The following GALNT13 variants were observed in gnomAD, a reference collection of about 807,000 sequenced individuals.
The protein encoded by GALNT13 is polypeptide N-acetylgalactosaminyltransferase 13.
A neutral mutation model predicts 64.2 loss-of-function variants in GALNT13; 28 were observed. The observed-to-expected ratio is 0.44, with a 90% CI of 0.32 to 0.60. The LOEUF (loss-of-function observed/expected upper bound fraction) is 0.60, where lower values mean the gene tolerates loss of function less well. Among genes scored for constraint, GALNT13 ranks in the 20% least tolerant of loss-of-function variants. GALNT13 has a pLI of 0.05. For synonymous variants in GALNT13, 214 were observed against 224.6 expected (o/e 0.95, Z 0.42); for missense variants, 577 against 669.8 (o/e 0.86, Z 1.53).
intron 2 of GALNT13, among the ~76,000 whole-genome samples, chr2:153,907,921 C>A (rs954465816): frequency 6.6e-6 from 1 of 152,000 alleles, no homozygotes; most frequent in African/African-American, 2.4e-5. Context: ...TATGTATATA[C>A]CCAGTAATGG....
At chr2:153,277,045 T>C in the GALNT13 span, among the ~76,000 whole-genome samples, 1 of 152,214 alleles carries the variant, frequency 6.6e-6, no homozygotes, top group African/African-American at 2.4e-5. Flanking sequence ...TAAGATAATT[T>C]TTAAAGTAAT....
the GALNT13 span, among the ~76,000 whole-genome samples, chr2:153,156,308 C>G: frequency 2.0e-5 from 3 of 152,158 alleles, no homozygotes; most frequent in Non-Finnish European, 4.4e-5. Flanking sequence ...CACCTCAAAT[C>G]AGAAACACAT....
At chr2:153,534,387 C>T in the GALNT13 span, among the ~76,000 whole-genome samples, 4 of 152,070 alleles carry the variant, frequency 2.6e-5, no homozygotes, top group African/African-American at 9.7e-5. Flanking sequence ...ACTAACTTCA[C>T]AAGTGTTTCT....
chr2:153,742,266 A>G, the GALNT13 span, among the ~76,000 whole-genome samples: 6 of 152,028 alleles, frequency 3.9e-5, no homozygotes, highest in Non-Finnish European at 7.4e-5. Context: ...CCTTCATATA[A>G]TGTCCTCCAG....
chr2:153,460,410 G>A, the GALNT13 span, among the ~76,000 whole-genome samples: 31 of 151,964 alleles, frequency 2.0e-4, no homozygotes, highest in East Asian at 5.2e-3. Context: ...TATATAATTC[G>A]TTCAGTTTAT....
chr2:153,581,512 T>C, the GALNT13 span, among the ~76,000 whole-genome samples: 2 of 152,126 alleles, frequency 1.3e-5, no homozygotes. Context: ...CATTGGTTTA[T>C]AGAATTTCCT....
chr2:154,267,151 GA>G lies in GALNT13; in HGVS notation c.975+8018del, dbSNP rs567864962. ...AACAACTGAATGTCTATGTGGGGGG[GA>G]AAAACAACTCCAATCCATAACTTAT... On this transcript the variant is annotated intron_variant, in intron 8 of 12. Transcript: ENST00000392825. Among the ~76,000 whole-genome samples the G allele has an allele frequency of 5.3e-3, 797 of 151,702 alleles. 4 individuals carry two copies. Among genetic ancestry groups the G allele is most frequent in the Admixed American group, 8.5e-3 (129 of 15,232 alleles).
chr2:154,140,626 C>A, intron 4 of GALNT13, 121 bp downstream of exon 4: 2 of 608,688 alleles, frequency 3.3e-6, no homozygotes, highest in Non-Finnish European at 5.5e-6. Flanking sequence ...GTACCTATCA[C>A]ATAGCAGGAA....
chr2:153,517,290 T>A, the GALNT13 span, among the ~76,000 whole-genome samples: 1 of 152,182 alleles, frequency 6.6e-6, no homozygotes, highest in African/African-American at 2.4e-5. Flanking sequence ...GGAATTCAGA[T>A]TCAATAGACC....
chr2:153,449,980 AC>A, the GALNT13 span, among the ~76,000 whole-genome samples: 1 of 152,214 alleles, frequency 6.6e-6, no homozygotes, highest in Admixed American at 6.5e-5. Context: ...ACCTATTCAA[AC>A]AATATAATCT....
At chr2:153,389,695 G>T in the GALNT13 span, among the ~76,000 whole-genome samples, 1 of 152,086 alleles carries the variant, frequency 6.6e-6, no homozygotes, top group African/African-American at 2.4e-5. Flanking sequence ...GAAGTTTTAT[G>T]AACTGGCTTG....
At chr2:154,290,515 C>G (rs1421835496) in intron 8 of GALNT13, among the ~76,000 whole-genome samples, 1 of 152,148 alleles carries the variant, frequency 6.6e-6, no homozygotes, top group Admixed American at 6.5e-5. Context: ...AAGCTGGAGG[C>G]GGCTTATTCT....
intron 3 of GALNT13, among the ~76,000 whole-genome samples, chr2:154,128,052 C>T (rs1005669455): frequency 6.6e-6 from 1 of 151,640 alleles, no homozygotes; most frequent in Non-Finnish European, 1.5e-5. Flanking sequence ...ATGATGTAAC[C>T]GAAATTATTT....
At chr2:153,772,204 T>C in the GALNT13 span, among the ~76,000 whole-genome samples, 1 of 152,220 alleles carries the variant, frequency 6.6e-6, no homozygotes, top group African/African-American at 2.4e-5. Flanking sequence ...ATGCCTGCAG[T>C]GGCTGCCGCT....
At chr2:153,929,817 A>G (rs1471221707) in intron 2 of GALNT13, among the ~76,000 whole-genome samples, 1 of 152,134 alleles carries the variant, frequency 6.6e-6, no homozygotes, top group East Asian at 1.9e-4. Context: ...ATACACATAT[A>G]TATGTCTTAA....
chr2:153,236,409 A>G, the GALNT13 span, among the ~76,000 whole-genome samples: 1 of 152,156 alleles, frequency 6.6e-6, no homozygotes, highest in Non-Finnish European at 1.5e-5. Context: ...AGAGAAGAGA[A>G]GTCAGAGACT....
Position 154,242,082 on chromosome 2 carries a change from G to T in GALNT13, c.364G>T (p.Val122Leu). The T allele has an allele frequency of 6.2e-7, 1 of 1,611,004 alleles. No individual in the cohort carries two copies. Among genetic ancestry groups the T allele is most frequent in the Non-Finnish European group, 8.5e-7 (1 of 1,177,718 alleles). The part of the protein sequence containing the change: ...DELPNTSVVI[V>L]FHNEAWSTLL... ...ACTTCCAAACACAAGTGTAGTCATT[G>T]TGTTTCATAATGAAGCTTGGAGCAC... The change falls in exon 5 of 13, where the codon GTG becomes TTG. Residue 122 changes from valine to leucine, a missense_variant. Physicochemically the swap from Val to Leu is conservative, Grantham distance 32. This residue lies in a region of GALNT13 where 341 missense variants were observed against 379.3 expected (regional missense o/e 0.90). Coordinates refer to ENST00000392825, the MANE Select transcript of GALNT13 (RefSeq NM_052917.4).
chr2:153,549,682 C>A, the GALNT13 span, among the ~76,000 whole-genome samples: 1 of 152,124 alleles, frequency 6.6e-6, no homozygotes, highest in African/African-American at 2.4e-5. Flanking sequence ...TCATGCAGAG[C>A]CTAGTATAAA....
At chr2:153,426,173 C>G in the GALNT13 span, among the ~76,000 whole-genome samples, 2 of 151,784 alleles carry the variant, frequency 1.3e-5, no homozygotes, top group Admixed American at 1.3e-4. Flanking sequence ...TCCATCTAGT[C>G]TTTGTTGCCA....
Sources: gnomAD v4.1 joint callset for allele counts (sites outside exome capture counted in the v4.1 genomes callset) on GRCh38, gnomAD v4.1.1 for gene constraint, gnomAD v4.1.1 regional missense constraint, MANE v1.5 for transcripts, NCBI Gene and HGNC (gene_info 2026-07-23, HGNC 2026-07-21) for gene names.